The following OSBPL8 variants were observed in gnomAD, a reference collection of about 807,000 sequenced individuals.
OSBPL8 encodes the protein oxysterol-binding protein-related protein 8.
Under a neutral mutation model 125.5 loss-of-function variants are expected in OSBPL8, and 59 were observed. The ratio of observed to expected loss-of-function variants is 0.47; its 90% CI spans 0.38 to 0.58. The LOEUF (loss-of-function observed/expected upper bound fraction) is 0.58, where lower values mean the gene tolerates loss of function less well. Among genes scored for constraint, OSBPL8 ranks in the 20% least tolerant of loss-of-function variants. OSBPL8 has a pLI of 0.00. For synonymous variants in OSBPL8, 330 were observed against 338.9 expected (o/e 0.97, Z 0.29); for missense variants, 758 against 1,047.8 (o/e 0.72, Z 3.82).
At position 76,390,465 on chromosome 12, in the gene OSBPL8, T is replaced by C; in HGVS notation, c.1122A>G (p.Leu374=). The C allele has an allele frequency of 6.2e-7, 1 of 1,613,946 alleles. No homozygotes were observed. The highest frequency in any genetic ancestry group is 8.5e-7 in the Non-Finnish European group (1 of 1,179,892). ...SYIEPEPVEP[L]KETTYTEQSH... is the part of the protein sequence containing the mutation. ...TCTGTTCAGTGTAGGTAGTCTCCTTTAAAGGCTCAACAGGCTCAGGTTCGA... is the reference window on the plus strand; with the variant it reads ...TCTGTTCAGTGTAGGTAGTCTCCTTCAAAGGCTCAACAGGCTCAGGTTCGA... The change falls in exon 11 of 24, where the codon TTA becomes TTG. Residue 374 remains leucine (L), a synonymous_variant. Transcript: ENST00000261183.
intron 1 of OSBPL8, among the ~76,000 whole-genome samples, chr12:76,511,239 T>C (rs1163743987): frequency 6.6e-6 from 1 of 152,222 alleles, no homozygotes; most frequent in African/African-American, 2.4e-5. Flanking sequence ...CAGTGATTTA[T>C]ATTCCTCTGG....
chr12:76,432,735 AAGG>A (rs1279966544), intron 4 of OSBPL8, among the ~76,000 whole-genome samples: 1 of 152,158 alleles, frequency 6.6e-6, no homozygotes. Context: ...ACAATACAAA[AAGG>A]AGTTTTTTGA....
chr12:76,557,483 C>A (rs1951140978), intron 1 of OSBPL8, among the ~76,000 whole-genome samples: 4 of 151,942 alleles, frequency 2.6e-5, no homozygotes, highest in Admixed American at 2.6e-4. Flanking sequence ...GGCATGGTGG[C>A]ACGCACCTGT....
intron 1 of OSBPL8, among the ~76,000 whole-genome samples, chr12:76,525,575 G>A (rs545026833): frequency 2.0e-5 from 3 of 152,136 alleles, no homozygotes; most frequent in East Asian, 1.9e-4. Context: ...ACTTTAAAAC[G>A]TCTACTCTCA....
At chr12:76,553,270 G>A (rs977522195) in intron 1 of OSBPL8, among the ~76,000 whole-genome samples, 1 of 152,012 alleles carries the variant, frequency 6.6e-6, no homozygotes, top group African/African-American at 2.4e-5. Flanking sequence ...AACTATTCCT[G>A]CTAATATGTA....
chr12:76,510,528 C>T (rs1392120872), intron 1 of OSBPL8, among the ~76,000 whole-genome samples: 2 of 152,162 alleles, frequency 1.3e-5, no homozygotes, highest in East Asian at 1.9e-4. Context: ...ACCTTAATAC[C>T]TATTACTGCT....
At chr12:76,481,494 G>A (rs1014380817) in intron 2 of OSBPL8, among the ~76,000 whole-genome samples, 1 of 152,080 alleles carries the variant, frequency 6.6e-6, no homozygotes, top group Non-Finnish European at 1.5e-5. Flanking sequence ...GCCAGACAGA[G>A]TGGGGCAGGC....
chr12:76,507,535 ATG>A (rs1880532638), intron 1 of OSBPL8, among the ~76,000 whole-genome samples: 1 of 151,740 alleles, frequency 6.6e-6, no homozygotes, highest in African/African-American at 2.4e-5. Context: ...AGAAGCAAAA[ATG>A]TGCCGGGTGT....
At chr12:76,448,244 T>C (rs1025635991) in intron 4 of OSBPL8, among the ~76,000 whole-genome samples, 8 of 152,246 alleles carry the variant, frequency 5.3e-5, no homozygotes, top group African/African-American at 1.9e-4. Flanking sequence ...ATGGGTATAT[T>C]AGTGTTCACT....
intron 12 of OSBPL8, among the ~76,000 whole-genome samples, chr12:76,389,425 C>T (rs959052827): frequency 6.6e-5 from 10 of 152,144 alleles, no homozygotes; most frequent in Non-Finnish European, 1.2e-4. Context: ...TTGTTTTCCT[C>T]GAGCTTATGA....
chr12:76,525,541 T>TGCA (rs1565970187), intron 1 of OSBPL8, among the ~76,000 whole-genome samples: 1 of 105,106 alleles, frequency 9.5e-6, no homozygotes, highest in Non-Finnish European at 1.9e-5. Context: ...ACATATGCTC[T>TGCA]TAACTGATAA....
chr12:76,369,368 T>C, intron 20 of OSBPL8, 67 bp from the exon 21 acceptor site: 4 of 1,520,012 alleles, frequency 2.6e-6, no homozygotes, highest in Admixed American at 2.4e-5. Flanking sequence ...AAACTTTCTA[T>C]TCTATGATCC....
intron 23 of OSBPL8, 141 bp from the exon 24 acceptor site, chr12:76,356,162 T>TGGGGGGGGGGTGAGGGGGGGGG: frequency 7.6e-6 from 1 of 131,834 alleles, no homozygotes; most frequent in African/African-American, 3.4e-5. Flanking sequence ...TATGTAGGGG[T>TGGGGGGGGGGTGAGGGGGGGGG]GGGGGGGGGC....
In OSBPL8 at chr12:76,354,969, T is replaced by C. The variant is rs1292889905; in HGVS notation, c.*920A>G. 1 of 152,108 alleles carries C rather than the reference T, an allele frequency of 6.6e-6. No homozygotes were observed. Among genetic ancestry groups the C allele is most frequent in the African/African-American group, 2.4e-5 (1 of 41,434 alleles). 9.4% of individuals were successfully genotyped at this position (152,108 alleles called of 1,614,324 possible). On this transcript the variant is annotated 3_prime_UTR_variant, in exon 24 of 24. Transcript: ENST00000261183. ...TATTCTACTTATTCACTGAACACAC[T>C]GGAGTCTAAAGCTAAAATAAGTTTT...
chr12:76,400,268 G>C lies in OSBPL8; in HGVS notation c.367-294C>G, dbSNP rs150376852. On this transcript the variant is annotated intron_variant, in intron 6 of 23. Transcript: ENST00000261183. ...TTCTAAGTGAGAACATGCAGTATTG[G>C]TTTCTGAGTTAGTCTGCTAAGGATA... Among the ~76,000 whole-genome samples the C allele has an allele frequency of 7.2e-4, 109 of 152,206 alleles. 1 individual carries two copies. Among genetic ancestry groups the C allele is most frequent in the African/African-American group, 2.5e-3 (102 of 41,530 alleles).
intron 21 of OSBPL8, 119 bp downstream of exon 21, chr12:76,369,095 G>A (rs1952522554): frequency 7.6e-7 from 1 of 1,322,330 alleles, no homozygotes; most frequent in Non-Finnish European, 1.0e-6. Context: ...AGAGTTCAGA[G>A]CTGCGTATTT....
intron 1 of OSBPL8, among the ~76,000 whole-genome samples, chr12:76,494,708 G>C (rs1177144270): frequency 1.3e-5 from 2 of 152,182 alleles, no homozygotes; most frequent in Non-Finnish European, 2.9e-5. Flanking sequence ...ACAGCAGGAG[G>C]AGTAAGGTTA....
Position 76,397,793 on chromosome 12 carries a change from A to C in OSBPL8, c.573T>G (p.Val191=). Residue 191 remains valine (V), a synonymous_variant, in exon 8 of 24, where the codon GTT becomes GTG. Transcript: ENST00000261183. The stretch of plus-strand genomic sequence containing the variant: ...CAATGATTTCACAGGCATTCAGAAG[A>C]ACTGTTCCTACCCACTGACCATTTT... ...TQKNGQWVGT[V]LLNACEIIER... 6.2e-7 allele frequency: 1 copy of C among 1,614,142 alleles called. No homozygotes were observed. The highest frequency in any genetic ancestry group is 8.5e-7 in the Non-Finnish European group (1 of 1,179,998).
chr12:76,518,212 T>C (rs927244187), intron 1 of OSBPL8, among the ~76,000 whole-genome samples: 2 of 152,142 alleles, frequency 1.3e-5, no homozygotes, highest in African/African-American at 4.8e-5. Flanking sequence ...GTTCAGGTAT[T>C]AATCAGCCAA....
Sources: allele counts gnomAD v4.1 joint callset (sites outside exome capture counted in the v4.1 genomes callset), GRCh38; gene constraint gnomAD v4.1.1; transcripts MANE v1.5; gene names NCBI Gene and HGNC (gene_info 2026-07-23, HGNC 2026-07-21).